ADAM28: variants seen among roughly 807,000 people sequenced by gnomAD.
ADAM28 encodes ADAM metallopeptidase domain 28.
Under a neutral mutation model 101.2 loss-of-function variants are expected in ADAM28, and 105 were observed. The ratio of observed to expected loss-of-function variants is 1.04; its 90% CI spans 0.89 to 1.22. ADAM28 has a LOEUF of 1.22. Among genes scored for constraint, ADAM28 ranks in the 50% most tolerant of loss-of-function variants. The probability of loss-of-function intolerance (pLI) is 0.00; values close to 1 mark genes in which losing one functional copy is unlikely to be tolerated. For synonymous variants in ADAM28, 322 were observed against 310.6 expected (o/e 1.04, Z -0.39); for missense variants, 1,028 against 945.4 (o/e 1.09, Z -1.15).
chr8:24,303,602 T>A (rs1413469168), intron 2 of ADAM28, among the ~76,000 whole-genome samples: 1 of 152,174 alleles, frequency 6.6e-6, no homozygotes, highest in Non-Finnish European at 1.5e-5. Flanking sequence ...TCTTTTTGCT[T>A]AAGATTGTCT....
At chr8:24,311,497 A>G (rs892718298) in intron 5 of ADAM28, 60 bp downstream of exon 5, 1 of 1,358,246 alleles carries the variant, frequency 7.4e-7, no homozygotes, top group African/African-American at 1.5e-5. Flanking sequence ...TATGTATCTA[A>G]CCAACCAGAT....
chr8:24,353,748 A>ATTGT (rs1452953465), intron 21 of ADAM28, 22 bp from the exon 22 acceptor site: 1 of 1,395,446 alleles, frequency 7.2e-7, no homozygotes, highest in South Asian at 1.2e-5. Flanking sequence ...ATGCCATACC[A>ATTGT]TTGTTTTTAT....
At chr8:24,324,946 G>T (rs894201345) in intron 9 of ADAM28, 2 of 151,932 alleles carry the variant, frequency 1.3e-5, no homozygotes. Context: ...GTCACTACTG[G>T]TATATTATCT....
Position 24,354,437 on chromosome 8 carries a change from T to G in ADAM28, c.*33T>G, listed in dbSNP as rs938948032. ...GCTAAGCAAGAACTAATGGCTAAAT[T>G]ATCAACTTGGAAAACTGGAAAATCT... On this transcript the variant is annotated 3_prime_UTR_variant, in exon 23 of 23. Transcript: ENST00000265769. 1.3e-6 allele frequency: 2 copies of G among 1,597,794 alleles called. No homozygotes were observed. The highest frequency in any genetic ancestry group is 1.7e-6 in the Non-Finnish European group (2 of 1,171,884).
chr8:24,342,024 A>G (rs1020830462), intron 16 of ADAM28, among the ~76,000 whole-genome samples: 3 of 152,236 alleles, frequency 2.0e-5, no homozygotes, highest in Non-Finnish European at 2.9e-5. Flanking sequence ...CATTATTTCA[A>G]GAAGAGTATC....
intron 14 of ADAM28, among the ~76,000 whole-genome samples, chr8:24,338,322 T>C (rs941011825): frequency 6.6e-6 from 1 of 152,210 alleles, no homozygotes; most frequent in Non-Finnish European, 1.5e-5. Flanking sequence ...ATATTGTTAA[T>C]TGGCAAGAAG....
At chr8:24,314,065 C>T (rs1810838600) in intron 6 of ADAM28, among the ~76,000 whole-genome samples, 2 of 152,200 alleles carry the variant, frequency 1.3e-5, no homozygotes, top group South Asian at 2.1e-4. Context: ...CCGGAATCAA[C>T]TATTATTTTC....
At chr8:24,332,136 T>G (rs1813436838) in intron 12 of ADAM28, among the ~76,000 whole-genome samples, 1 of 152,150 alleles carries the variant, frequency 6.6e-6, no homozygotes, top group Non-Finnish European at 1.5e-5. Context: ...GGAACACTTT[T>G]GAGGTAAGAG....
At chr8:24,302,248 T>C (rs1222766456) in intron 2 of ADAM28, among the ~76,000 whole-genome samples, 2 of 152,212 alleles carry the variant, frequency 1.3e-5, no homozygotes, top group South Asian at 2.1e-4. Flanking sequence ...GCTCCATCCA[T>C]GTGCCTGCAA....
intron 6 of ADAM28, among the ~76,000 whole-genome samples, chr8:24,319,712 T>C (rs184024542): frequency 1.2e-4 from 18 of 151,760 alleles, no homozygotes; most frequent in Admixed American, 5.3e-4. Context: ...GAACAGAACA[T>C]TGGTAAGTTT....
chr8:24,349,999 G>C (rs1585746334), intron 19 of ADAM28, 27 bp downstream of exon 19: 2 of 1,601,476 alleles, frequency 1.2e-6, no homozygotes, highest in African/African-American at 1.3e-5. Context: ...TCTTGCTGTA[G>C]GGACTCTTTG....
intron 4 of ADAM28, 94 bp downstream of exon 4, chr8:24,310,335 A>G: frequency 9.1e-7 from 1 of 1,102,164 alleles, no homozygotes; most frequent in Non-Finnish European, 1.3e-6. Flanking sequence ...GTGAAACTGC[A>G]TTTGTAACAT....
intron 16 of ADAM28, 92 bp from the exon 17 acceptor site, chr8:24,343,009 A>T: frequency 6.4e-7 from 1 of 1,570,334 alleles, no homozygotes; most frequent in South Asian, 1.2e-5. Context: ...GAGCCACCTT[A>T]AACAACATCT....
chr8:24,307,074 C>T (rs564474900), intron 2 of ADAM28, among the ~76,000 whole-genome samples: 1 of 152,232 alleles, frequency 6.6e-6, no homozygotes, highest in African/African-American at 2.4e-5. Context: ...TAGATATAAG[C>T]CAAGTTTTAG....
At chr8:24,305,312 A>T (rs1368244811) in intron 2 of ADAM28, among the ~76,000 whole-genome samples, 1 of 152,082 alleles carries the variant, frequency 6.6e-6, no homozygotes, top group Admixed American at 6.6e-5. Flanking sequence ...CTGATTTTAA[A>T]AAGAAATGTT....
chr8:24,300,685 G>A (rs552784406), intron 2 of ADAM28, among the ~76,000 whole-genome samples: 6 of 152,202 alleles, frequency 3.9e-5, no homozygotes, highest in Admixed American at 2.0e-4. Context: ...CAAAGTGCTG[G>A]GATTACAGGC....
At chr8:24,307,938 A>T (rs1435070720) in intron 2 of ADAM28, among the ~76,000 whole-genome samples, 5 of 152,188 alleles carry the variant, frequency 3.3e-5, no homozygotes, top group Non-Finnish European at 7.3e-5. Flanking sequence ...GTATTACTAG[A>T]ATTAAGAACC....
At chr8:24,345,569 A>G (rs899402020) in intron 18 of ADAM28, among the ~76,000 whole-genome samples, 9 of 151,848 alleles carry the variant, frequency 5.9e-5, no homozygotes, top group African/African-American at 1.9e-4. Flanking sequence ...ACATCTGTCT[A>G]GCTTTTTTAC....
At chr8:24,309,855 T>A in intron 2 of ADAM28, 39 bp from the exon 3 acceptor site, 1 of 1,371,038 alleles carries the variant, frequency 7.3e-7, no homozygotes. Context: ...CAAATGAATA[T>A]GTTTTTAATT....
Sources: allele counts gnomAD v4.1 joint callset (sites outside exome capture counted in the v4.1 genomes callset), GRCh38; gene constraint gnomAD v4.1.1; transcripts MANE v1.5; gene names NCBI Gene and HGNC (gene_info 2026-07-23, HGNC 2026-07-21).